Variants in KIF17 observed in about 807,000 individuals in gnomAD.
KIF17 encodes the protein kinesin-like protein KIF17.
In KIF17, 80 loss-of-function variants were observed where a neutral mutation model predicts 96.8. That is an observed-to-expected ratio of 0.83 (90% CI 0.69 to 1.00). KIF17 has a LOEUF of 1.00. KIF17 is among the 50% of genes least tolerant of loss of function. KIF17 has a pLI of 0.00. For missense variants in KIF17, 1,280 were observed against 1,372.9 expected, an observed-to-expected ratio of 0.93 and a Z score of 1.07; for synonymous variants, 567 against 587.5, an observed-to-expected ratio of 0.97 and a Z score of 0.51.
intron 7 of KIF17, among the ~76,000 whole-genome samples, chr1:20,688,770 C>T (rs185478448): frequency 2.5e-4 from 38 of 152,282 alleles, no homozygotes; most frequent in Admixed American, 6.5e-4. Context: ...AGAAGCCAGA[C>T]GAAGATCTGC....
rs565992347 is a variant in KIF17 at position 20,664,481 on chromosome 1, G to A, written c.*103C>T. ...AGGGCTGAGGGAGCCCTCAGGCCCC[G>A]GAGCGCTGTGTGGCAGGTGGGAGGA... On this transcript the variant is annotated 3_prime_UTR_variant, in exon 15 of 15. Coordinates refer to ENST00000400463, the MANE Select transcript of KIF17 (RefSeq NM_001122819.3). 4.8e-4 allele frequency: 765 copies of A among 1,605,198 alleles called. 2 individuals carry two copies. The highest frequency in any genetic ancestry group is 1.5e-3 in the African/African-American group (114 of 74,924).
chr1:20,717,742 C>CCCCCG lies in KIF17; in HGVS notation c.-41_-37dup, dbSNP rs1267773582. 2.4e-5 allele frequency: 37 copies of CCCCCG among 1,514,436 alleles called. No homozygotes were observed. Among genetic ancestry groups the CCCCCG allele is most frequent in the Non-Finnish European group, 3.3e-5 (37 of 1,138,350 alleles). 93.8% of individuals were successfully genotyped at this position (1,514,436 alleles called of 1,614,324 possible). On this transcript the variant is annotated 5_prime_UTR_variant, in exon 1 of 15. Coordinates refer to ENST00000400463, the MANE Select transcript of KIF17 (RefSeq NM_001122819.3). ...CCAGGACCAACGGGACCAGAGCTGA[C>CCCCCG]CCCCGCCCCGCCGGGGACTCCCAGC...
intron 3 of KIF17, 115 bp downstream of exon 3, chr1:20,713,339 T>C (rs1570486639): frequency 6.0e-6 from 4 of 669,290 alleles, no homozygotes; most frequent in South Asian, 3.7e-5. Flanking sequence ...AAGTCCCGAC[T>C]CTAGCCTCCC....
rs549469387 is a variant in KIF17 at position 20,682,840 on chromosome 1, T to G, written c.2276A>C (p.Lys759Thr). The G allele has an allele frequency of 3.4e-5, 55 of 1,612,328 alleles. No homozygotes were observed. In the African/African-American group the frequency reaches 5.7e-4, roughly 17 times the overall value. ...GTGCTTCTCCTTCAGGTCCTTGTTCTTGGCCTGCTCTCCACCCACAACCTG... is the reference window on the plus strand; with the variant it reads ...GTGCTTCTCCTTCAGGTCCTTGTTCGTGGCCTGCTCTCCACCCACAACCTG... ...EQQVVGGEQA[K>T]NKDLKEKHKR... is the part of the protein sequence containing the mutation. Residue 759 changes from lysine to threonine, a missense_variant, in exon 11 of 15, where the codon AAG becomes ACG. Physicochemically the swap from Lys to Thr is moderately conservative, Grantham distance 78. Transcript: ENST00000400463.
At chr1:20,675,707 C>A (rs1438435978) in intron 11 of KIF17, among the ~76,000 whole-genome samples, 1 of 152,124 alleles carries the variant, frequency 6.6e-6, no homozygotes, top group East Asian at 1.9e-4. Flanking sequence ...GCAAAGAAAC[C>A]AGCGGGAACT....
rs1024831842 is a variant in KIF17, at chr1:20,704,342, G to C, written c.1123+105C>G. ...TGGGGCTGAGGGGTGGGAGGATGCT[G>C]CTCCCACTGTCTTTTAGGTGGGAAG... On this transcript the variant is annotated intron_variant, in intron 5 of 14. Coordinates refer to ENST00000400463, the MANE Select transcript of KIF17 (RefSeq NM_001122819.3). The surrounding 1 kb of genome is among the most constrained non-coding windows in gnomAD (Gnocchi z 6.8). 4.3e-6 allele frequency: 4 copies of C among 925,074 alleles called. No individual in the cohort carries two copies. The African/African-American group carries it at 4.9e-5, about 11-fold the overall frequency. 57.3% of individuals were successfully genotyped at this position (925,074 alleles called of 1,614,324 possible).
chr1:20,704,830 T>C lies in KIF17; in HGVS notation c.740A>G (p.Gln247Arg). 1 of 1,605,656 alleles carries C rather than the reference T, an allele frequency of 6.2e-7. No individual in the cohort carries two copies. Reference protein sequence around the residue: ...NLVDLAGSERQSKTGATGERL... With the variant: ...NLVDLAGSERRSKTGATGERL... ...CTCGCCCGTGGCCCCGGTCTTGGACTGCCGCTCGCTGCCCGCCAGGTCCAC... is the reference window on the plus strand; with the variant it reads ...CTCGCCCGTGGCCCCGGTCTTGGACCGCCGCTCGCTGCCCGCCAGGTCCAC... Residue 247 changes from glutamine (Q) to arginine (R), a missense_variant, in exon 5 of 15, where the codon CAG (glutamine) becomes CGG (arginine). Gln to Arg is a conservative substitution (Grantham distance 43). Coordinates refer to ENST00000400463, the MANE Select transcript of KIF17 (RefSeq NM_001122819.3). This position sits in a 1 kb window ranked among gnomAD's most constrained non-coding sequence, Gnocchi z 6.8.
At chr1:20,703,006 G>A (rs1277065662) in intron 5 of KIF17, among the ~76,000 whole-genome samples, 2 of 152,202 alleles carry the variant, frequency 1.3e-5, no homozygotes, top group Non-Finnish European at 2.9e-5. Flanking sequence ...GGGTAGGTGA[G>A]TGGAAAAATA....
intron 6 of KIF17, 85 bp downstream of exon 6, chr1:20,698,294 G>T: frequency 1.1e-6 from 1 of 905,062 alleles, no homozygotes; most frequent in East Asian, 2.4e-5. Context: ...GTGATATCGC[G>T]TTGGACCCCA....
intron 6 of KIF17, among the ~76,000 whole-genome samples, chr1:20,697,449 A>AC (rs386353842): frequency 1.3e-5 from 2 of 151,646 alleles, no homozygotes; most frequent in African/African-American, 4.9e-5. Context: ...CTACAAAAAA[A>AC]TTTAAAAATT....
intron 13 of KIF17, among the ~76,000 whole-genome samples, chr1:20,667,870 C>G (rs1271016123): frequency 6.6e-6 from 1 of 151,982 alleles, no homozygotes; most frequent in African/African-American, 2.4e-5. Context: ...ATTAGCTGGA[C>G]GTCGTGGTGC....
chr1:20,708,615 C>T lies in KIF17; in HGVS notation c.670+1024G>A, dbSNP rs6426644. On this transcript the variant is annotated intron_variant, in intron 4 of 14. Transcript: ENST00000400463. ...CATTCATGGGAAAACCCAGACATCA[C>T]GGAGACCCGGGTTCAAATCCCAGCT... is the stretch of plus-strand genomic sequence containing the variant. Among the ~76,000 whole-genome samples the T allele has an allele frequency of 2.6e-5, 4 of 151,986 alleles. No homozygotes were observed. The East Asian group carries it at 7.7e-4, about 29-fold the overall frequency.
At chr1:20,661,858 G>A (rs1262702482), downstream of KIF17, among the ~76,000 whole-genome samples, 2 of 152,262 alleles carry the variant, frequency 1.3e-5, no homozygotes, top group South Asian at 4.1e-4. Flanking sequence ...AGGAGGAGTT[G>A]GAAGAATAAG....
chr1:20,710,269 G>A (rs925337363), intron 3 of KIF17, among the ~76,000 whole-genome samples: 3 of 152,204 alleles, frequency 2.0e-5, no homozygotes, highest in African/African-American at 7.2e-5. Flanking sequence ...CAGGGGCTGA[G>A]CCTGTCGTCA....
At chr1:20,708,407 C>T (rs577051706) in intron 4 of KIF17, among the ~76,000 whole-genome samples, 2 of 152,342 alleles carry the variant, frequency 1.3e-5, no homozygotes, top group South Asian at 2.1e-4. Context: ...AATCCTCTCA[C>T]CTCAGCCTCC....
chr1:20,664,429 G>C lies in KIF17; in HGVS notation c.*155C>G, dbSNP rs2053487844. On this transcript the variant is annotated 3_prime_UTR_variant, in exon 15 of 15. Coordinates refer to ENST00000400463, the MANE Select transcript of KIF17 (RefSeq NM_001122819.3). The stretch of plus-strand genomic sequence containing the variant: ...CCCAGGGCGGAGGTGGGCTCTCTGG[G>C]GAACAGGGAAGGGAATGTGTCTTCC... The C allele has an allele frequency of 6.5e-7, 1 of 1,541,170 alleles. No homozygotes were observed. Among genetic ancestry groups the C allele is most frequent in the Non-Finnish European group, 8.7e-7 (1 of 1,146,906 alleles).
rs2053847473 is a variant in KIF17 at position 20,682,538 on chromosome 1, G to A, written c.2463+115C>T. The A allele has an allele frequency of 1.1e-5, 9 of 828,802 alleles. No homozygotes were observed. In the Admixed American group the frequency reaches 1.6e-4, roughly 15 times the overall value. 51.3% of individuals were successfully genotyped at this position (828,802 alleles called of 1,614,324 possible). ...ATAAATAATAAATGCATGCATGCCT[G>A]CTGTGTAAAGAGTAGAGGGCTGCCT... On this transcript the variant is annotated intron_variant, in intron 11 of 14. Coordinates refer to ENST00000400463, the MANE Select transcript of KIF17 (RefSeq NM_001122819.3).
intron 10 of KIF17, among the ~76,000 whole-genome samples, chr1:20,683,618 G>C (rs561874124): frequency 6.6e-6 from 1 of 151,928 alleles, no homozygotes; most frequent in Non-Finnish European, 1.5e-5. Flanking sequence ...TCGCACCACT[G>C]CACTCCAGCC....
chr1:20,712,728 ATC>A (rs1327325112), intron 3 of KIF17, among the ~76,000 whole-genome samples: 1 of 16,244 alleles, frequency 6.2e-5, no homozygotes, highest in Non-Finnish European at 1.6e-4. Context: ...ATTATATTAT[ATC>A]TATATATATT....
Sources: gnomAD v4.1 joint callset for allele counts (sites outside exome capture counted in the v4.1 genomes callset) on GRCh38, gnomAD v4.1.1 for gene constraint, Gnocchi (gnomAD v3.1) non-coding constraint, MANE v1.5 for transcripts, NCBI Gene and HGNC (gene_info 2026-07-23, HGNC 2026-07-21) for gene names.